The following FTCDNL1 variants were observed in gnomAD, a reference collection of about 807,000 sequenced individuals.
FTCDNL1 encodes the protein formiminotransferase cyclodeaminase N-terminal like, also known as formiminotransferase N-terminal subdomain-containing protein.
A neutral mutation model predicts 5.9 loss-of-function variants in FTCDNL1; 11 were observed. The ratio of observed to expected loss-of-function variants is 1.87; its 90% CI spans 1.18 to 3.10. FTCDNL1 has a LOEUF of 3.10. FTCDNL1 is among the 30% of genes most tolerant of loss of function. The pLI, the probability that FTCDNL1 is intolerant of heterozygous loss-of-function variation, is 0.00. For synonymous variants in FTCDNL1, 58 were observed against 24.8 expected (o/e 2.34, Z -3.99); for missense variants, 115 against 65.5 (o/e 1.76, Z -2.61).
At chr2:199,701,594 G>A in the FTCDNL1 span, among the ~76,000 whole-genome samples, 14 of 152,218 alleles carry the variant, frequency 9.2e-5, no homozygotes, top group East Asian at 1.2e-3. Flanking sequence ...TAAAGGAAAT[G>A]TTGTATATAT....
chr2:199,784,259 TGTAATTA>T (rs1699523798), intron 3 of FTCDNL1, among the ~76,000 whole-genome samples: 2 of 152,168 alleles, frequency 1.3e-5, no homozygotes, highest in South Asian at 4.1e-4. Flanking sequence ...CCAAAGTCCT[TGTAATTA>T]CTACACTCAA....
the FTCDNL1 span, among the ~76,000 whole-genome samples, chr2:199,705,938 C>G: frequency 6.6e-6 from 1 of 152,178 alleles, no homozygotes. Flanking sequence ...TGGTATGAAC[C>G]AAGCCTTCAT....
chr2:199,712,376 T>C, the FTCDNL1 span, among the ~76,000 whole-genome samples: 2 of 152,182 alleles, frequency 1.3e-5, no homozygotes, highest in Non-Finnish European at 2.9e-5. Flanking sequence ...CACTAATCTT[T>C]TTATGTGCAA....
chr2:199,706,308 T>A, the FTCDNL1 span, among the ~76,000 whole-genome samples: 3 of 152,092 alleles, frequency 2.0e-5, no homozygotes, highest in African/African-American at 7.2e-5. Flanking sequence ...AACCACAACA[T>A]CCCAGTAGGT....
intron 3 of FTCDNL1, among the ~76,000 whole-genome samples, chr2:199,797,608 G>A (rs1449645606): frequency 6.6e-6 from 1 of 152,188 alleles, no homozygotes; most frequent in African/African-American, 2.4e-5. Flanking sequence ...TTAATGAAAA[G>A]CTGATGATGG....
chr2:199,682,717 G>A, the FTCDNL1 span, among the ~76,000 whole-genome samples: 4 of 152,144 alleles, frequency 2.6e-5, no homozygotes, highest in South Asian at 2.1e-4. Context: ...TTGTTTAATT[G>A]AGTGATGATA....
chr2:199,842,272 A>T (rs13404884), intron 3 of FTCDNL1, among the ~76,000 whole-genome samples: 1 of 151,990 alleles, frequency 6.6e-6, no homozygotes, highest in South Asian at 2.1e-4. Context: ...CATCTCAAAA[A>T]ATTTAAAAAA....
chr2:199,667,005 G>A, the FTCDNL1 span, among the ~76,000 whole-genome samples: 3 of 151,686 alleles, frequency 2.0e-5, no homozygotes, highest in East Asian at 1.9e-4. Context: ...ACTATGATTC[G>A]TCAGACCAGG....
the FTCDNL1 span, among the ~76,000 whole-genome samples, chr2:199,697,312 C>T: frequency 6.6e-6 from 1 of 151,896 alleles, no homozygotes; most frequent in Non-Finnish European, 1.5e-5. Flanking sequence ...ATGACTATCC[C>T]CAAGACACAT....
the FTCDNL1 span, among the ~76,000 whole-genome samples, chr2:199,736,080 G>A: frequency 1.3e-5 from 2 of 152,174 alleles, no homozygotes; most frequent in Admixed American, 6.5e-5. Context: ...ATGGGACAGA[G>A]GGCATTTTCA....
chr2:199,687,105 C>T, the FTCDNL1 span, among the ~76,000 whole-genome samples: 21 of 152,258 alleles, frequency 1.4e-4, no homozygotes, highest in African/African-American at 5.1e-4. Context: ...ACAAACTTTC[C>T]ATTTTAAATT....
chr2:199,829,169 A>C (rs1702212748), intron 3 of FTCDNL1, among the ~76,000 whole-genome samples: 1 of 152,198 alleles, frequency 6.6e-6, no homozygotes, highest in Non-Finnish European at 1.5e-5. Flanking sequence ...ACTCTTTATT[A>C]AAAGACCAGT....
chr2:199,696,259 A>C, the FTCDNL1 span, among the ~76,000 whole-genome samples: 1 of 151,996 alleles, frequency 6.6e-6, no homozygotes, highest in Admixed American at 6.5e-5. Context: ...CCACAGCACC[A>C]CCACCCTGCT....
At chr2:199,692,103 C>A in the FTCDNL1 span, among the ~76,000 whole-genome samples, 1 of 152,142 alleles carries the variant, frequency 6.6e-6, no homozygotes, top group Admixed American at 6.5e-5. Flanking sequence ...AAGATGAAAT[C>A]ATCCAGATTT....
the FTCDNL1 span, among the ~76,000 whole-genome samples, chr2:199,710,568 T>C: frequency 1.3e-5 from 2 of 152,214 alleles, no homozygotes; most frequent in African/African-American, 2.4e-5. Flanking sequence ...AATAATGAGA[T>C]TCAACTGTAT....
intron 3 of FTCDNL1, among the ~76,000 whole-genome samples, chr2:199,844,913 T>C (rs1419292333): frequency 1.3e-5 from 2 of 152,050 alleles, no homozygotes; most frequent in Non-Finnish European, 1.5e-5. Flanking sequence ...AAACATAATT[T>C]TTTTTTATTT....
intron 3 of FTCDNL1, among the ~76,000 whole-genome samples, chr2:199,765,508 C>T (rs1475748461): frequency 5.8e-5 from 8 of 137,220 alleles, no homozygotes; most frequent in African/African-American, 7.8e-5. Flanking sequence ...ACTACTACCA[C>T]GTGGCATCTC....
chr2:199,669,121 T>C, the FTCDNL1 span, among the ~76,000 whole-genome samples: 63 of 152,174 alleles, frequency 4.1e-4, no homozygotes, highest in Non-Finnish European at 7.9e-4. Context: ...GGAAATAAAT[T>C]CAACTTAACT....
intron 4 of FTCDNL1, among the ~76,000 whole-genome samples, chr2:199,815,713 G>T (rs765848432): frequency 3.9e-4 from 59 of 152,048 alleles, no homozygotes; most frequent in African/African-American, 1.3e-3. Flanking sequence ...AAATGAAAGC[G>T]ATTTATGGCC....
Sources: gnomAD v4.1 joint callset for allele counts (sites outside exome capture counted in the v4.1 genomes callset) on GRCh38, gnomAD v4.1.1 for gene constraint, MANE v1.5 for transcripts, NCBI Gene and HGNC (gene_info 2026-07-23, HGNC 2026-07-21) for gene names.